ENPP3: variants seen among roughly 807,000 people sequenced by gnomAD.
ENPP3 encodes the protein ectonucleotide pyrophosphatase/phosphodiesterase 3.
ENPP3 carries 104 observed loss-of-function variants against 117.8 expected under a neutral mutation model. That is an observed-to-expected ratio of 0.88 (90% CI 0.75 to 1.04). The LOEUF is 1.04. Among genes scored for constraint, ENPP3 ranks in the 50% least tolerant of loss-of-function variants. The probability of loss-of-function intolerance (pLI) is 0.00; values close to 1 mark genes in which losing one functional copy is unlikely to be tolerated. For synonymous variants in ENPP3, 380 were observed against 349.9 expected (o/e 1.09, Z -0.96); for missense variants, 1,026 against 1,051.9 (o/e 0.98, Z 0.34).
intron 12 of ENPP3, among the ~76,000 whole-genome samples, chr6:131,683,749 G>GTT (rs397940601): frequency 0.022 from 2,829 of 126,556 alleles, 109 homozygotes; most frequent in African/African-American, 0.063. Flanking sequence ...CACTCTACAG[G>GTT]TTTTTTTTTT....
In ENPP3 at chr6:131,679,244, G is replaced by A. The variant is rs367769713; in HGVS notation, c.1011+1304G>A. ...TGAGTAGCTGGGACTACAGGCATGCGCCACCACGCTAGGCTAATTTTTGTA... is the reference window on the plus strand; with the variant it reads ...TGAGTAGCTGGGACTACAGGCATGCACCACCACGCTAGGCTAATTTTTGTA... On this transcript the variant is annotated intron_variant, in intron 11 of 24. Coordinates refer to ENST00000357639, the MANE Select transcript of ENPP3 (RefSeq NM_005021.5). 6.0e-4 allele frequency among the ~76,000 whole-genome samples: 91 copies of A among 151,364 alleles called. 1 individual carries two copies. The East Asian group carries it at 0.015, about 25-fold the overall frequency.
Position 131,720,312 on chromosome 6 carries a change from A to T in ENPP3, c.1500A>T (p.Gly500=), listed in dbSNP as rs529384825. 6.3e-7 allele frequency: 1 copy of T among 1,597,042 alleles called. No homozygotes were observed. The highest frequency in any genetic ancestry group is 1.1e-5 in the South Asian group (1 of 88,850). ...RSMEAIFLAH[G]PSFKEKTEVE... ...CCTAGGCTATCTTTCTGGCACATGG[A>T]CCCAGTTTTAAAGAGAAGACTGAAG... Residue 500 remains glycine, a synonymous_variant, in exon 17 of 25, where the codon GGA becomes GGT. Coordinates refer to ENST00000357639, the MANE Select transcript of ENPP3 (RefSeq NM_005021.5).
intron 20 of ENPP3, among the ~76,000 whole-genome samples, chr6:131,730,968 A>G (rs1214993047): frequency 6.6e-6 from 1 of 151,248 alleles, no homozygotes; most frequent in Non-Finnish European, 1.5e-5. Context: ...ATGTGTTTGA[A>G]TTTTTCCTAT....
intron 6 of ENPP3, among the ~76,000 whole-genome samples, chr6:131,668,823 A>G (rs1490926552): frequency 1.3e-5 from 2 of 152,144 alleles, no homozygotes; most frequent in Non-Finnish European, 2.9e-5. Flanking sequence ...GTGTCTTTCC[A>G]GTAGTCTGTT....
chr6:131,717,722 A>T (rs1247709785), intron 15 of ENPP3, among the ~76,000 whole-genome samples: 1 of 152,188 alleles, frequency 6.6e-6, no homozygotes, highest in East Asian at 1.9e-4. Context: ...ACATAATTAT[A>T]ATAATAATCT....
chr6:131,722,017 C>T lies in ENPP3; in HGVS notation c.1568-210C>T, dbSNP rs576627833. 5.0e-4 allele frequency among the ~76,000 whole-genome samples: 76 copies of T among 152,184 alleles called. 1 individual carries two copies. Among genetic ancestry groups the T allele is most frequent in the South Asian group, 1.2e-3 (6 of 4,830 alleles). On this transcript the variant is annotated intron_variant, in intron 17 of 24. Transcript: ENST00000357639. ...TGGGACTACAGGTGCACTGCCGCAC[C>T]TGGCTAGTTCTATTCTTTAGCAAGA...
intron 19 of ENPP3, among the ~76,000 whole-genome samples, chr6:131,725,658 G>A (rs563839829): frequency 2.0e-5 from 3 of 152,026 alleles, no homozygotes; most frequent in Non-Finnish European, 4.4e-5. Flanking sequence ...ACTAGACTAG[G>A]TCATCTTTGT....
At chr6:131,671,152 T>G in intron 6 of ENPP3, 96 bp from the exon 7 acceptor site, 1 of 771,794 alleles carries the variant, frequency 1.3e-6, no homozygotes, top group Non-Finnish European at 2.3e-6. Flanking sequence ...TAGTTTGTTT[T>G]TTATTTTTCT....
intron 5 of ENPP3, among the ~76,000 whole-genome samples, chr6:131,654,115 A>G (rs894912034): frequency 9.8e-6 from 1 of 102,394 alleles, no homozygotes; most frequent in Non-Finnish European, 2.6e-5. Context: ...AAGTTTTATT[A>G]TTATTATTAT....
intron 6 of ENPP3, among the ~76,000 whole-genome samples, chr6:131,661,404 C>T (rs1778496494): frequency 1.3e-5 from 2 of 151,920 alleles, no homozygotes; most frequent in Non-Finnish European, 2.9e-5. Context: ...TTTTTTGATA[C>T]TAGATATCCT....
intron 1 of ENPP3, among the ~76,000 whole-genome samples, chr6:131,638,153 C>T (rs1162813529): frequency 2.6e-5 from 4 of 152,078 alleles, no homozygotes; most frequent in Admixed American, 6.6e-5. Flanking sequence ...TTTGTTTCTA[C>T]TGTACTGAGT....
rs1037983893 is a variant in ENPP3, at chr6:131,690,960, A to G, written c.1285-2537A>G. Among the ~76,000 whole-genome samples, 7 of 152,164 alleles carry G rather than the reference A, an allele frequency of 4.6e-5. No individual in the cohort carries two copies. In the South Asian group the frequency reaches 6.2e-4, roughly 14 times the overall value. Reference sequence around the variant, plus strand: ...TTTGTTTTGTCACCTCATGATCCCTATAGCTGAAGCTCTGTTGGTGAAGAA... The same window carrying G: ...TTTGTTTTGTCACCTCATGATCCCTGTAGCTGAAGCTCTGTTGGTGAAGAA... On this transcript the variant is annotated intron_variant, in intron 14 of 24. Coordinates refer to ENST00000357639, the MANE Select transcript of ENPP3 (RefSeq NM_005021.5).
intron 15 of ENPP3, among the ~76,000 whole-genome samples, chr6:131,717,830 T>C (rs942219816): frequency 6.6e-6 from 1 of 152,162 alleles, no homozygotes; most frequent in African/African-American, 2.4e-5. Context: ...GTGATGGTGG[T>C]CCCATAAGAT....
intron 5 of ENPP3, among the ~76,000 whole-genome samples, chr6:131,653,890 C>T (rs1488738018): frequency 6.6e-6 from 1 of 152,060 alleles, no homozygotes; most frequent in Non-Finnish European, 1.5e-5. Context: ...CCCTCCCATG[C>T]ATCTTTTCCA....
intron 5 of ENPP3, among the ~76,000 whole-genome samples, chr6:131,656,056 C>T (rs1009874120): frequency 1.3e-5 from 2 of 152,194 alleles, no homozygotes; most frequent in African/African-American, 2.4e-5. Context: ...CTAGTGTTCT[C>T]TTTGCCTGTT....
At chr6:131,675,213 C>A (rs755639995) in intron 9 of ENPP3, 24 bp downstream of exon 9, 1 of 1,280,786 alleles carries the variant, frequency 7.8e-7, no homozygotes, top group Admixed American at 1.7e-5. Context: ...TTCAGATATT[C>A]TCCCAGCTAG....
intron 3 of ENPP3, 40 bp from the exon 4 acceptor site, chr6:131,652,502 C>G (rs1778284169): frequency 6.2e-7 from 1 of 1,600,586 alleles, no homozygotes; most frequent in African/African-American, 1.3e-5. Flanking sequence ...TTTTATACTG[C>G]AGGCTTAAAT....
Position 131,718,618 on chromosome 6 carries a change from T to C in ENPP3, c.1413-54T>C, listed in dbSNP as rs971040970. On this transcript the variant is annotated intron_variant, in intron 15 of 24. Coordinates refer to ENST00000357639, the MANE Select transcript of ENPP3 (RefSeq NM_005021.5). The stretch of plus-strand genomic sequence containing the variant: ...ATATAAAATTAGTTAAATCTTACAC[T>C]ATGGTCTCATATCAATATATTGATC... 29 of 853,098 alleles carry C rather than the reference T, an allele frequency of 3.4e-5. No homozygotes were observed. The African/African-American group carries it at 4.3e-4, about 13-fold the overall frequency. The allele number at this position is 853,098 out of a possible 1,614,324, so 52.8% of individuals were successfully genotyped here. A position where few individuals can be genotyped will look rare whatever the true frequency, so the allele number is the denominator to read the frequency against.
rs139430880 is a variant in ENPP3 at position 131,637,718 on chromosome 6, G to A, written c.78+256G>A. On this transcript the variant is annotated intron_variant, in intron 1 of 24. Coordinates refer to ENST00000357639, the MANE Select transcript of ENPP3 (RefSeq NM_005021.5). Reference sequence around the variant, plus strand: ...AATCCATGACAGAACGCTTTGTGGCGCTGATTTTTTGCATGATTATAACTA... The same window carrying A: ...AATCCATGACAGAACGCTTTGTGGCACTGATTTTTTGCATGATTATAACTA... Among the ~76,000 whole-genome samples, 525 of 152,188 alleles carry A rather than the reference G, an allele frequency of 3.4e-3. 5 individuals are homozygous for A. The highest frequency in any genetic ancestry group is 0.012 in the African/African-American group (505 of 41,522).
Sources: allele counts gnomAD v4.1 joint callset (sites outside exome capture counted in the v4.1 genomes callset), GRCh38; gene constraint gnomAD v4.1.1; transcripts MANE v1.5; gene names NCBI Gene and HGNC (gene_info 2026-07-23, HGNC 2026-07-21).